Variants in DYNC1I1 observed in about 807,000 individuals in gnomAD.
DYNC1I1 encodes cytoplasmic dynein 1 intermediate chain 1.
In DYNC1I1, 43 loss-of-function variants were observed where a neutral mutation model predicts 86.6. The ratio of observed to expected loss-of-function variants is 0.50; its 90% CI spans 0.39 to 0.64. The LOEUF (loss-of-function observed/expected upper bound fraction) is 0.64, where lower values mean the gene tolerates loss of function less well. Among genes scored for constraint, DYNC1I1 ranks in the 30% least tolerant of loss-of-function variants. The pLI is 0.00. For synonymous variants in DYNC1I1, 262 were observed against 283.7 expected (o/e 0.92, Z 0.77); for missense variants, 604 against 788.8 (o/e 0.77, Z 2.81).
intron 6 of DYNC1I1, among the ~76,000 whole-genome samples, chr7:95,963,864 C>A (rs1792936828): frequency 1.3e-5 from 2 of 152,188 alleles, no homozygotes; most frequent in South Asian, 4.1e-4. Context: ...ACTTTGAAAT[C>A]TGACCACAAC....
At chr7:95,868,097 A>G (rs539908303) in intron 5 of DYNC1I1, among the ~76,000 whole-genome samples, 3 of 152,238 alleles carry the variant, frequency 2.0e-5, no homozygotes, top group Non-Finnish European at 4.4e-5. Context: ...ACTTGTGCAA[A>G]GCTCAGCCTG....
At chr7:95,839,250 C>G (rs931220545) in intron 5 of DYNC1I1, among the ~76,000 whole-genome samples, 4 of 152,112 alleles carry the variant, frequency 2.6e-5, no homozygotes, top group African/African-American at 9.7e-5. Context: ...GGGCTAGTCT[C>G]AAACTCCTGA....
Position 95,804,824 on chromosome 7 carries a change from G to A in DYNC1I1, c.95G>A (p.Arg32Lys). The change falls in exon 2 of 17, where the codon AGG (arginine) becomes AAG (lysine). Residue 32 changes from arginine to lysine, a missense_variant. Arg to Lys is a conservative substitution (Grantham distance 26, BLOSUM62 2). Transcript: ENST00000447467. ...GAGAAGAAACGGAAGGAAGAGGAGA[G>A]GAAAAAGAAAGAGGTAAATCCTGGG... ...REEKKRKEEERKKKEADMQQK... is the reference protein window; with the variant it reads ...REEKKRKEEEKKKKEADMQQK... 2.6e-6 allele frequency: 4 copies of A among 1,559,490 alleles called. No individual in the cohort carries two copies. The South Asian group carries it at 3.5e-5, about 14-fold the overall frequency.
intron 5 of DYNC1I1, 112 bp downstream of exon 5, chr7:95,828,228 T>C (rs1795245409): frequency 2.4e-6 from 3 of 1,227,300 alleles, no homozygotes; most frequent in Non-Finnish European, 3.6e-6. Context: ...ACTTCCAGTT[T>C]GATAAGTTCG....
chr7:96,079,547 C>A (rs764425521), intron 15 of DYNC1I1, among the ~76,000 whole-genome samples: 6 of 152,122 alleles, frequency 3.9e-5, no homozygotes, highest in Non-Finnish European at 8.8e-5. Flanking sequence ...GGAACAAATA[C>A]TACAGGTTCC....
rs1014215482 is a variant in DYNC1I1 at position 96,033,942 on chromosome 7, C to T, written c.1230+1162C>T. On this transcript the variant is annotated intron_variant, in intron 12 of 16. Coordinates refer to ENST00000447467, the MANE Select transcript of DYNC1I1 (RefSeq NM_001135556.2). The stretch of plus-strand genomic sequence containing the variant: ...GGAGGATTGCTTAAGCCCAGGAGTT[C>T]GAGGTTGCAGTGAACTATTATCACA... 5.3e-5 allele frequency among the ~76,000 whole-genome samples: 8 copies of T among 151,878 alleles called. No homozygotes were observed. The East Asian group carries it at 5.8e-4, about 11-fold the overall frequency.
intron 6 of DYNC1I1, among the ~76,000 whole-genome samples, chr7:95,884,445 C>A (rs1267434610): frequency 6.6e-6 from 1 of 151,624 alleles, no homozygotes; most frequent in Non-Finnish European, 1.5e-5. Context: ...CTGTGTTGCC[C>A]AGACTGGAGT....
At chr7:96,018,304 A>G (rs534435144) in intron 10 of DYNC1I1, among the ~76,000 whole-genome samples, 44 of 152,328 alleles carry the variant, frequency 2.9e-4, no homozygotes, top group Admixed American at 1.2e-3. Flanking sequence ...TTCACAGTAT[A>G]TTGGTGTCAA....
At chr7:95,799,282 G>T (rs555746063) in intron 1 of DYNC1I1, among the ~76,000 whole-genome samples, 211 of 152,272 alleles carry the variant, frequency 1.4e-3, no homozygotes, top group African/African-American at 4.9e-3. Flanking sequence ...GAGAGGCTGA[G>T]GCAGGAGAGT....
intron 1 of DYNC1I1, among the ~76,000 whole-genome samples, chr7:95,772,977 C>A (rs112409538): frequency 5.3e-5 from 8 of 152,294 alleles, no homozygotes; most frequent in African/African-American, 1.9e-4. Context: ...CCCAGTGACA[C>A]CCCCCTCTCG....
chr7:96,105,409 C>A (rs774761096), intron 16 of DYNC1I1, among the ~76,000 whole-genome samples: 2 of 151,748 alleles, frequency 1.3e-5, no homozygotes, highest in Non-Finnish European at 2.9e-5. Flanking sequence ...TTTTCTGCAT[C>A]TGTTGACACG....
chr7:95,777,082 G>A (rs939292964), intron 1 of DYNC1I1, among the ~76,000 whole-genome samples: 1 of 152,126 alleles, frequency 6.6e-6, no homozygotes, highest in Non-Finnish European at 1.5e-5. Context: ...ACCAAAAAAA[G>A]TATTGTTTAG....
intron 6 of DYNC1I1, among the ~76,000 whole-genome samples, chr7:95,883,896 A>G (rs564046667): frequency 1.4e-4 from 22 of 152,280 alleles, no homozygotes; most frequent in African/African-American, 5.3e-4. Context: ...GTTTAAAACA[A>G]AGTCTTGGAA....
chr7:95,881,105 G>A (rs757032345), intron 6 of DYNC1I1, among the ~76,000 whole-genome samples: 1 of 152,136 alleles, frequency 6.6e-6, no homozygotes, highest in Non-Finnish European at 1.5e-5. Flanking sequence ...AATGACCATA[G>A]GTAATTACAC....
rs1329385870 is a variant in DYNC1I1, at chr7:95,984,800, A to C, written c.581-15A>C. On this transcript the variant is annotated splice_polypyrimidine_tract_variant and intron_variant, in intron 7 of 16. Coordinates refer to ENST00000447467, the MANE Select transcript of DYNC1I1 (RefSeq NM_001135556.2). ...TCCCTAACAATCTCTTTTACAAAAA[A>C]ATAAATAAATAAAGCCCCTCCAAGA... 3 of 1,557,514 alleles carry C rather than the reference A, an allele frequency of 1.9e-6. No homozygotes were observed. The highest frequency in any genetic ancestry group is 1.7e-6 in the Non-Finnish European group (2 of 1,159,638).
intron 6 of DYNC1I1, among the ~76,000 whole-genome samples, chr7:95,930,522 G>A (rs959591559): frequency 1.3e-5 from 2 of 152,164 alleles, no homozygotes; most frequent in African/African-American, 2.4e-5. Context: ...AGTGTCTAAG[G>A]TGGAGGGAGG....
chr7:96,099,746 A>C (rs1225576178), downstream of DYNC1I1, among the ~76,000 whole-genome samples: 2 of 152,182 alleles, frequency 1.3e-5, no homozygotes, highest in East Asian at 1.9e-4. Context: ...ACCTCCAAAA[A>C]TCATCACATT....
chr7:95,998,610 C>T (rs1793931153), intron 10 of DYNC1I1, among the ~76,000 whole-genome samples: 1 of 152,210 alleles, frequency 6.6e-6, no homozygotes, highest in African/African-American at 2.4e-5. Context: ...CCGCATTCTC[C>T]TGTGATGTTC....
intron 1 of DYNC1I1, among the ~76,000 whole-genome samples, chr7:95,802,066 G>T (rs774996501): frequency 6.6e-5 from 10 of 152,020 alleles, no homozygotes; most frequent in Admixed American, 2.0e-4. Flanking sequence ...TTTGTAGGGG[G>T]ATGACTCCAA....
Sources: gnomAD v4.1 joint callset for allele counts (sites outside exome capture counted in the v4.1 genomes callset) on GRCh38, gnomAD v4.1.1 for gene constraint, MANE v1.5 for transcripts, NCBI Gene and HGNC (gene_info 2026-07-23, HGNC 2026-07-21) for gene names.